CCSER1: variants seen among roughly 807,000 people sequenced by gnomAD.
CCSER1 encodes coiled-coil serine rich protein 1.
A neutral mutation model predicts 82.0 loss-of-function variants in CCSER1; 41 were observed. The ratio of observed to expected loss-of-function variants is 0.50; its 90% CI spans 0.39 to 0.65. The LOEUF (loss-of-function observed/expected upper bound fraction) is 0.65. CCSER1 is among the 30% of genes least tolerant of loss of function. CCSER1 has a pLI of 0.00. For synonymous variants in CCSER1, 414 were observed against 383.9 expected (o/e 1.08, Z -0.92); for missense variants, 1,119 against 1,064.2 (o/e 1.05, Z -0.72).
chr4:90,486,188 G>A (rs1354015361), intron 5 of CCSER1, among the ~76,000 whole-genome samples: 3 of 152,060 alleles, frequency 2.0e-5, no homozygotes, highest in Non-Finnish European at 4.4e-5. Context: ...CCTCAATCTA[G>A]GAAAATTATA....
chr4:91,539,763 A>G (rs568542559), intron 10 of CCSER1, among the ~76,000 whole-genome samples: 1 of 152,144 alleles, frequency 6.6e-6, no homozygotes, highest in South Asian at 2.1e-4. Flanking sequence ...ATCACCACCT[A>G]CTTCTGTACC....
At chr4:91,088,739 GA>G (rs1402840705) in intron 10 of CCSER1, among the ~76,000 whole-genome samples, 1 of 152,064 alleles carries the variant, frequency 6.6e-6, no homozygotes, top group East Asian at 1.9e-4. Flanking sequence ...TACAAAATGT[GA>G]TTGTTTAACA....
intron 1 of CCSER1, among the ~76,000 whole-genome samples, chr4:90,305,006 T>A (rs1733989714): frequency 6.6e-6 from 1 of 151,944 alleles, no homozygotes; most frequent in Middle Eastern, 3.2e-3. Flanking sequence ...AACCTCCGCT[T>A]CCTGGGTTCA....
chr4:91,010,587 G>A lies in CCSER1; in HGVS notation c.2173-75363G>A, dbSNP rs1738929365. 1.5e-5 allele frequency among the ~76,000 whole-genome samples: 2 copies of A among 134,838 alleles called. 1 individual carries two copies. The highest frequency in any genetic ancestry group is 3.5e-5 in the Non-Finnish European group (2 of 57,900). 88.5% of individuals were successfully genotyped at this position (134,838 alleles called of 152,430 possible). A position where few individuals can be genotyped will look rare whatever the true frequency, so the allele number is the denominator to read the frequency against. ...TGGTGTCCCATAAGTCCCACAGGCT[G>A]TCTTAATTCTTTTTCATTCTTATTT... On this transcript the variant is annotated intron_variant, in intron 9 of 10. Coordinates refer to ENST00000509176, the MANE Select transcript of CCSER1 (RefSeq NM_001145065.2).
At chr4:91,168,516 G>A (rs563405006) in intron 10 of CCSER1, among the ~76,000 whole-genome samples, 47 of 142,384 alleles carry the variant, frequency 3.3e-4, no homozygotes, top group African/African-American at 6.4e-4. Flanking sequence ...CTGCCTGGCC[G>A]CCCCATCTGG....
chr4:90,828,174 A>T, intron 8 of CCSER1, among the ~76,000 whole-genome samples: 1 of 152,132 alleles, frequency 6.6e-6, no homozygotes, highest in East Asian at 1.9e-4. Flanking sequence ...GAAAATGTCC[A>T]CCTATATCCA....
chr4:91,569,786 A>T (rs1706079584), intron 10 of CCSER1, among the ~76,000 whole-genome samples: 1 of 152,196 alleles, frequency 6.6e-6, no homozygotes, highest in African/African-American at 2.4e-5. Context: ...GAACCATATC[A>T]TTCTGCCCCT....
chr4:91,301,627 G>A (rs1744675630), intron 10 of CCSER1, among the ~76,000 whole-genome samples: 1 of 151,628 alleles, frequency 6.6e-6, no homozygotes, highest in African/African-American at 2.4e-5. Context: ...CAACTGATAT[G>A]TTTTTCTCTA....
At chr4:90,547,794 A>T (rs1227767117) in intron 5 of CCSER1, among the ~76,000 whole-genome samples, 4 of 152,060 alleles carry the variant, frequency 2.6e-5, no homozygotes, top group Non-Finnish European at 1.5e-5. Flanking sequence ...TTTGGCTCTA[A>T]TTTTTTTGTA....
At chr4:91,416,501 CA>C (rs1022495863) in intron 10 of CCSER1, among the ~76,000 whole-genome samples, 1 of 152,032 alleles carries the variant, frequency 6.6e-6, no homozygotes, top group Non-Finnish European at 1.5e-5. Flanking sequence ...CTGACAAAAA[CA>C]GACACATAGG....
intron 8 of CCSER1, among the ~76,000 whole-genome samples, chr4:90,898,882 GTC>G (rs1724170238): frequency 7.3e-6 from 1 of 137,918 alleles, no homozygotes; most frequent in Non-Finnish European, 1.7e-5. Context: ...ATAATGTACT[GTC>G]TCTGGTTTTG....
chr4:91,244,723 T>C (rs1390838265), intron 10 of CCSER1, among the ~76,000 whole-genome samples: 1 of 152,224 alleles, frequency 6.6e-6, no homozygotes, highest in East Asian at 1.9e-4. Flanking sequence ...AATGCCCAGA[T>C]ACCAATGAAC....
intron 1 of CCSER1, among the ~76,000 whole-genome samples, chr4:90,272,448 C>T (rs113433535): frequency 0.049 from 7,408 of 152,070 alleles, 479 homozygotes; most frequent in African/African-American, 0.15. Context: ...AACTCTCATG[C>T]GCTGTTGGTG....
At chr4:90,214,521 CTG>C (rs1184688367) in intron 1 of CCSER1, among the ~76,000 whole-genome samples, 1 of 151,416 alleles carries the variant, frequency 6.6e-6, no homozygotes, top group Non-Finnish European at 1.5e-5. Context: ...AATGAATTAA[CTG>C]TGAATTTCTC....
Position 91,184,344 on chromosome 4 carries a change from G to T in CCSER1, c.2217+98350G>T, listed in dbSNP as rs112238519. 4.5e-3 allele frequency among the ~76,000 whole-genome samples: 684 copies of T among 152,356 alleles called. 6 individuals are homozygous for T. Among genetic ancestry groups the T allele is most frequent in the African/African-American group, 0.016 (651 of 41,580 alleles). On this transcript the variant is annotated intron_variant, in intron 10 of 10. Coordinates refer to ENST00000509176, the MANE Select transcript of CCSER1 (RefSeq NM_001145065.2). ...GAATTGTAAATGCAAACCATTCACA[G>T]TCTTGCTCAGCTAAAGGGGTAGTAA...
Position 90,328,764 on chromosome 4 carries a change from CTGTGCCTCAGGCTGAAT to C in CCSER1, c.1509+15732_1509+15748del, listed in dbSNP as rs1738690037. ...TGTCTCCTTCAGAGCTTCCCAGGGA[CTGTGCCTCAGGCTGAAT>C]TGTGCCTCAGGCTGGCTCTGGTCCA... On this transcript the variant is annotated intron_variant, in intron 3 of 10. Transcript: ENST00000509176. Among the ~76,000 whole-genome samples the C allele has an allele frequency of 2.6e-5, 4 of 152,232 alleles. No homozygotes were observed. The South Asian group carries it at 8.3e-4, about 32-fold the overall frequency.
intron 6 of CCSER1, among the ~76,000 whole-genome samples, 183 bp from the exon 7 acceptor site, chr4:90,723,731 A>G (rs1743119639): frequency 6.6e-6 from 1 of 151,938 alleles, no homozygotes. Flanking sequence ...CCAGATAATC[A>G]TTTCTGTATA....
intron 8 of CCSER1, among the ~76,000 whole-genome samples, chr4:90,868,099 T>C (rs7697742): frequency 0.6 from 90,973 of 151,854 alleles, 28,266 homozygotes; most frequent in African/African-American, 0.74. Flanking sequence ...TTTATGGGGT[T>C]GATGAGATAC....
chr4:90,832,787 G>C (rs529103781), intron 8 of CCSER1, among the ~76,000 whole-genome samples: 7 of 152,222 alleles, frequency 4.6e-5, no homozygotes, highest in Admixed American at 1.3e-4. Context: ...ACTTCTTAAA[G>C]AGAATATTAT....
Sources: gnomAD v4.1 joint callset for allele counts (sites outside exome capture counted in the v4.1 genomes callset) on GRCh38, gnomAD v4.1.1 for gene constraint, MANE v1.5 for transcripts, NCBI Gene and HGNC (gene_info 2026-07-23, HGNC 2026-07-21) for gene names.